OPCML: variants seen among roughly 807,000 people sequenced by gnomAD.
The protein encoded by OPCML is opioid binding protein/cell adhesion molecule like.
OPCML carries 13 observed loss-of-function variants against 37.8 expected under a neutral mutation model. The ratio of observed to expected loss-of-function variants is 0.34; its 90% confidence interval spans 0.22 to 0.55. The LOEUF (loss-of-function observed/expected upper bound fraction) is 0.55, where lower values mean the gene tolerates loss of function less well. OPCML is among the 20% of genes least tolerant of loss of function. The pLI is 0.91. For missense variants in OPCML, 341 were observed against 435.6 expected, an observed-to-expected ratio of 0.78 and a Z score of 1.93; for synonymous variants, 176 against 168.8, an observed-to-expected ratio of 1.04 and a Z score of -0.33.
At chr11:133,156,628 CATAAA>C (rs1207295725) in intron 1 of OPCML, among the ~76,000 whole-genome samples, 2 of 152,128 alleles carry the variant, frequency 1.3e-5, no homozygotes, top group Non-Finnish European at 2.9e-5. Context: ...TTGAGTTGTT[CATAAA>C]ATAAAAGTAA....
chr11:133,219,866 G>A (rs1273537224), intron 1 of OPCML, among the ~76,000 whole-genome samples: 2 of 152,154 alleles, frequency 1.3e-5, no homozygotes, highest in Admixed American at 6.5e-5. Context: ...ATAATGCACA[G>A]AACCCCCTTC....
At chr11:132,436,593 T>C in intron 6 of OPCML, 66 bp downstream of exon 6, 1 of 1,591,040 alleles carries the variant, frequency 6.3e-7, no homozygotes, top group Non-Finnish European at 8.6e-7. Context: ...ATCCTCATCC[T>C]TCTCCCATGT....
At chr11:133,427,650 T>C (rs1946030821) in intron 1 of OPCML, among the ~76,000 whole-genome samples, 1 of 151,972 alleles carries the variant, frequency 6.6e-6, no homozygotes. Context: ...AAATGCTACA[T>C]ACAATTCCAG....
At chr11:133,055,331 T>C (rs12417298) in intron 1 of OPCML, among the ~76,000 whole-genome samples, 4 of 146,178 alleles carry the variant, frequency 2.7e-5, no homozygotes, top group African/African-American at 7.7e-5. Context: ...GTAGTGAGAC[T>C]CCATGAGGGA....
At chr11:133,098,532 A>ACC (rs1248254593) in intron 1 of OPCML, among the ~76,000 whole-genome samples, 1 of 152,112 alleles carries the variant, frequency 6.6e-6, no homozygotes, top group Non-Finnish European at 1.5e-5. Flanking sequence ...TAAACATTCT[A>ACC]AAGACAATTA....
At chr11:132,804,637 T>G (rs1002749804) in intron 2 of OPCML, among the ~76,000 whole-genome samples, 2 of 152,128 alleles carry the variant, frequency 1.3e-5, no homozygotes, top group African/African-American at 4.8e-5. Context: ...GGTCCTATGG[T>G]GTAATGACTA....
intron 4 of OPCML, among the ~76,000 whole-genome samples, chr11:132,482,446 A>G (rs199769559): frequency 1.3e-5 from 2 of 152,098 alleles, no homozygotes; most frequent in African/African-American, 2.4e-5. Context: ...CCAACCAAAA[A>G]GAGTCCAGGA....
intron 3 of OPCML, among the ~76,000 whole-genome samples, chr11:132,545,916 C>T (rs999314530): frequency 7.2e-5 from 11 of 152,162 alleles, no homozygotes; most frequent in Non-Finnish European, 1.3e-4. Flanking sequence ...GCTACAGAGA[C>T]ATAGAATAAG....
chr11:133,504,547 G>T (rs981051639), intron 1 of OPCML, among the ~76,000 whole-genome samples: 3 of 152,168 alleles, frequency 2.0e-5, no homozygotes, highest in Non-Finnish European at 4.4e-5. Flanking sequence ...ACAGACTTTT[G>T]TGAGTGCTGA....
chr11:133,237,424 G>A (rs1216554362), intron 1 of OPCML, among the ~76,000 whole-genome samples: 1 of 152,156 alleles, frequency 6.6e-6, no homozygotes, highest in African/African-American at 2.4e-5. Flanking sequence ...AGTGCAGTGA[G>A]GTATTACCAG....
At chr11:132,934,959 G>A (rs1468981005) in intron 2 of OPCML, among the ~76,000 whole-genome samples, 2 of 152,010 alleles carry the variant, frequency 1.3e-5, no homozygotes, top group East Asian at 1.9e-4. Context: ...GACCAACATA[G>A]AGAAACCCCT....
intron 2 of OPCML, among the ~76,000 whole-genome samples, chr11:132,679,856 G>T (rs746413052): frequency 2.0e-5 from 3 of 152,186 alleles, no homozygotes; most frequent in Non-Finnish European, 2.9e-5. Flanking sequence ...CAAAATTAAT[G>T]CTATGATTAT....
At chr11:132,988,195 C>T (rs1278568963) in intron 1 of OPCML, among the ~76,000 whole-genome samples, 1 of 152,168 alleles carries the variant, frequency 6.6e-6, no homozygotes, top group African/African-American at 2.4e-5. Flanking sequence ...CAGTAAGCAG[C>T]CAGGCTGAGA....
chr11:133,530,401 G>A (rs1002595192), intron 1 of OPCML, among the ~76,000 whole-genome samples: 8 of 152,378 alleles, frequency 5.3e-5, no homozygotes, highest in Admixed American at 3.9e-4. Flanking sequence ...ATACAGCCAG[G>A]ATTCCCTTGG....
chr11:133,217,297 T>C (rs1423088719), intron 1 of OPCML, among the ~76,000 whole-genome samples: 1 of 152,164 alleles, frequency 6.6e-6, no homozygotes, highest in African/African-American at 2.4e-5. Context: ...CTTGTTTTTG[T>C]AAATTACTCA....
At chr11:132,899,294 A>T (rs1323612782) in intron 2 of OPCML, among the ~76,000 whole-genome samples, 7 of 152,208 alleles carry the variant, frequency 4.6e-5, no homozygotes, top group Non-Finnish European at 7.4e-5. Context: ...GTTTTGGTGT[A>T]CATATTATAT....
At chr11:133,456,589 A>T (rs1946675866) in intron 1 of OPCML, among the ~76,000 whole-genome samples, 1 of 152,196 alleles carries the variant, frequency 6.6e-6, no homozygotes, top group African/African-American at 2.4e-5. Flanking sequence ...TAGGTATCAG[A>T]CTGTCCAGGA....
chr11:133,140,979 A>AGACGAAGACGAAGAC (rs1949799003), intron 1 of OPCML, among the ~76,000 whole-genome samples: 1 of 3,524 alleles, frequency 2.8e-4, no homozygotes, highest in African/African-American at 4.9e-4. Flanking sequence ...AAGAAGAAGA[A>AGACGAAGACGAAGAC]GAAGAAGAAG....
At chr11:132,695,343 A>T (rs1943564049) in intron 2 of OPCML, among the ~76,000 whole-genome samples, 1 of 152,142 alleles carries the variant, frequency 6.6e-6, no homozygotes, top group African/African-American at 2.4e-5. Flanking sequence ...CAGTGATGGT[A>T]TGGTGTATTC....
Sources: allele counts gnomAD v4.1 joint callset (sites outside exome capture counted in the v4.1 genomes callset), GRCh38; gene constraint gnomAD v4.1.1; transcripts MANE v1.5; gene names NCBI Gene and HGNC (gene_info 2026-07-23, HGNC 2026-07-21).